The following CELF2 variants were observed in gnomAD, a reference collection of about 807,000 sequenced individuals.
CELF2 encodes the protein CUGBP Elav-like family member 2.
In CELF2, 8 loss-of-function variants were observed where a neutral mutation model predicts 62.6. That is an observed-to-expected ratio of 0.13 (90% CI 0.07 to 0.23). CELF2 has a LOEUF of 0.23. CELF2 is among the 10% of genes least tolerant of loss of function. The pLI, the probability that CELF2 is intolerant of heterozygous loss-of-function variation, is 1.00. For missense variants in CELF2, 333 were observed against 671.0 expected (o/e 0.50, Z 5.56); for synonymous variants, 258 against 250.0 (o/e 1.03, Z -0.30).
At chr10:10,666,966 C>T in the CELF2 span, among the ~76,000 whole-genome samples, 3 of 151,984 alleles carry the variant, frequency 2.0e-5, no homozygotes, top group South Asian at 6.2e-4. Flanking sequence ...CACACACATA[C>T]ACATACGTTC....
the CELF2 span, among the ~76,000 whole-genome samples, chr10:10,674,773 C>CTGTGCCACTTGTGTGAG: frequency 1.7e-3 from 253 of 152,120 alleles, 1 homozygote; most frequent in Middle Eastern, 6.8e-3. Flanking sequence ...TCAAATAACA[C>CTGTGCCACTTGTGTGAG]TGTGCCACTT....
intron 5 of CELF2, among the ~76,000 whole-genome samples, chr10:11,265,367 A>G (rs72775843): frequency 0.017 from 2,522 of 152,352 alleles, 31 homozygotes; most frequent in Middle Eastern, 0.065. Flanking sequence ...AGTAGTAATA[A>G]TAATGTTTTG....
rs962730284 is a variant in CELF2, at chr10:11,211,067, C to G, written c.272-6358C>G. On this transcript the variant is annotated intron_variant, in intron 2 of 12. Transcript: ENST00000633077. The surrounding 1 kb of genome is among the most constrained non-coding windows in gnomAD (Gnocchi z 4.8). ...GCCAAGGCAGGAGGACCACTTGAGACGAGGAGTTTGAGAAGCCTGAGCTAT... is the reference window on the plus strand; with the variant it reads ...GCCAAGGCAGGAGGACCACTTGAGAGGAGGAGTTTGAGAAGCCTGAGCTAT... Among the ~76,000 whole-genome samples, 1 of 152,116 alleles carries G rather than the reference C, an allele frequency of 6.6e-6. No homozygotes were observed. Among genetic ancestry groups the G allele is most frequent in the African/African-American group, 2.4e-5 (1 of 41,400 alleles).
At chr10:10,478,102 A>T in the CELF2 span, among the ~76,000 whole-genome samples, 20 of 152,202 alleles carry the variant, frequency 1.3e-4, no homozygotes, top group Admixed American at 2.0e-4. Flanking sequence ...CCCTTCCAGG[A>T]AAAAAGTTAG....
At chr10:11,303,530 T>C (rs1230221162) in intron 9 of CELF2, among the ~76,000 whole-genome samples, 3 of 152,232 alleles carry the variant, frequency 2.0e-5, no homozygotes, top group South Asian at 2.1e-4. Context: ...CACACGTTTA[T>C]TGATCACCCG....
chr10:11,201,095 A>G (rs903927435), intron 2 of CELF2, among the ~76,000 whole-genome samples: 5 of 152,186 alleles, frequency 3.3e-5, no homozygotes, highest in African/African-American at 1.2e-4. Flanking sequence ...TCTGAAACGA[A>G]ATTCTAAAAC....
chr10:11,232,716 G>A (rs184585403), intron 3 of CELF2, among the ~76,000 whole-genome samples: 222 of 152,240 alleles, frequency 1.5e-3, no homozygotes, highest in Non-Finnish European at 2.6e-3. Context: ...ATCTGCTTCA[G>A]AGGAGTTAGC....
At chr10:10,567,589 G>A in the CELF2 span, among the ~76,000 whole-genome samples, 85 of 152,266 alleles carry the variant, frequency 5.6e-4, no homozygotes, top group African/African-American at 2.0e-3. Flanking sequence ...GAGTCAACCT[G>A]AGATGAGGCA....
rs1223066012 is a variant in CELF2, at chr10:11,010,075, G to C, written c.53+4635G>C. On this transcript the variant is annotated intron_variant, in intron 1 of 12. Coordinates refer to the CELF2 transcript ENST00000416382. The surrounding 1 kb of genome is among the most constrained non-coding windows in gnomAD (Gnocchi z 4.1). Reference sequence around the variant, plus strand: ...CCATCTCAGTCCCACCAGGACAGCAGGCCCTGCGATGTTGCTCATGCTTTG... The same window carrying C: ...CCATCTCAGTCCCACCAGGACAGCACGCCCTGCGATGTTGCTCATGCTTTG... 6.6e-6 allele frequency: 1 copy of C among 152,254 alleles called. No homozygotes were observed. Among genetic ancestry groups the C allele is most frequent in the East Asian group, 1.9e-4 (1 of 5,194 alleles). 9.4% of individuals were successfully genotyped at this position (152,254 alleles called of 1,614,324 possible).
At chr10:11,273,518 T>C (rs1185390490) in intron 7 of CELF2, among the ~76,000 whole-genome samples, 1 of 152,114 alleles carries the variant, frequency 6.6e-6, no homozygotes, top group African/African-American at 2.4e-5. Context: ...CTTTCCCCGG[T>C]GCCAAAAAGG....
chr10:11,151,698 G>A (rs1278281255), intron 1 of CELF2, among the ~76,000 whole-genome samples: 2 of 152,016 alleles, frequency 1.3e-5, no homozygotes, highest in African/African-American at 4.8e-5. Flanking sequence ...TGTGTTTTCT[G>A]GACCAAACCC....
chr10:11,209,341 GC>G (rs778995865), intron 2 of CELF2, among the ~76,000 whole-genome samples: 1 of 151,790 alleles, frequency 6.6e-6, no homozygotes, highest in Non-Finnish European at 1.5e-5. Flanking sequence ...ACACCAACGG[GC>G]CCAGAGTCGG....
chr10:10,511,947 G>A, the CELF2 span, among the ~76,000 whole-genome samples: 31 of 152,130 alleles, frequency 2.0e-4, no homozygotes, highest in African/African-American at 5.3e-4. Context: ...TTTCTTCTTC[G>A]TAAAGAGCCA....
intron 1 of CELF2, among the ~76,000 whole-genome samples, chr10:11,058,936 A>G (rs2066024306): frequency 6.6e-6 from 1 of 151,970 alleles, no homozygotes; most frequent in Non-Finnish European, 1.5e-5. Flanking sequence ...ATTTATCACC[A>G]TGTCCGGCTA....
chr10:11,251,467 G>A (rs1180935517), intron 4 of CELF2, among the ~76,000 whole-genome samples: 1 of 151,844 alleles, frequency 6.6e-6, no homozygotes, highest in Non-Finnish European at 1.5e-5. Flanking sequence ...AACTGTCATG[G>A]GCACACCCAA....
chr10:10,543,181 T>C, the CELF2 span, among the ~76,000 whole-genome samples: 117 of 152,326 alleles, frequency 7.7e-4, 1 homozygote, highest in East Asian at 0.018. Context: ...GCCTGGTGGC[T>C]GGGGAGCCAA....
At chr10:10,821,906 G>T (rs1370325736) in intron 1 of CELF2, among the ~76,000 whole-genome samples, 1 of 152,204 alleles carries the variant, frequency 6.6e-6, no homozygotes, top group Non-Finnish European at 1.5e-5. Context: ...CTCCCAAAGT[G>T]CTGGGAGCCA....
chr10:11,329,119 GTC>G lies in CELF2; in HGVS notation c.*69_*70del. The stretch of plus-strand genomic sequence containing the variant: ...TAGGGTAAGTCCCACGAGCCAGCCT[GTC>G]TCAACAGGGAAGGCAGAGGAGGACC... On this transcript the variant is annotated 3_prime_UTR_variant, in exon 13 of 13. Transcript: ENST00000633077. This position sits in a 1 kb window ranked among gnomAD's most constrained non-coding sequence, Gnocchi z 5.5. 1.3e-6 allele frequency: 2 copies of G among 1,509,160 alleles called. No individual in the cohort carries two copies. Among genetic ancestry groups the G allele is most frequent in the South Asian group, 1.3e-5 (1 of 78,594 alleles). 93.5% of individuals were successfully genotyped at this position (1,509,160 alleles called of 1,614,324 possible).
the CELF2 span, among the ~76,000 whole-genome samples, chr10:10,543,577 TG>T: frequency 6.6e-6 from 1 of 152,170 alleles, no homozygotes; most frequent in Non-Finnish European, 1.5e-5. Context: ...CTGGGTGTGG[TG>T]GGTCACACCT....
Sources: allele counts gnomAD v4.1 joint callset (sites outside exome capture counted in the v4.1 genomes callset), GRCh38; gene constraint gnomAD v4.1.1; non-coding constraint Gnocchi (gnomAD v3.1); transcripts MANE v1.5; gene names NCBI Gene and HGNC (gene_info 2026-07-23, HGNC 2026-07-21).